Variants in KCNH5 observed in about 807,000 individuals in gnomAD.
KCNH5 encodes the protein voltage-gated delayed rectifier potassium channel KCNH5.
A neutral mutation model predicts 96.1 loss-of-function variants in KCNH5; 46 were observed. That is an observed-to-expected ratio of 0.48 (90% CI 0.38 to 0.61). The LOEUF (loss-of-function observed/expected upper bound fraction) is 0.61, where lower values mean the gene tolerates loss of function less well. KCNH5 is among the 20% of genes least tolerant of loss of function. The pLI is 0.00. For synonymous variants in KCNH5, 439 were observed against 449.8 expected (o/e 0.98, Z 0.30); for missense variants, 907 against 1,225.8 (o/e 0.74, Z 3.88).
At chr14:62,886,000 A>G (rs1050817994) in intron 7 of KCNH5, among the ~76,000 whole-genome samples, 1 of 152,178 alleles carries the variant, frequency 6.6e-6, no homozygotes, top group Admixed American at 6.5e-5. Flanking sequence ...TAATGTAATA[A>G]TTTCTGCTTT....
intron 9 of KCNH5, among the ~76,000 whole-genome samples, chr14:62,782,585 C>T (rs767768386): frequency 3.9e-5 from 6 of 152,116 alleles, no homozygotes; most frequent in Non-Finnish European, 5.9e-5. Context: ...CCAAGGCAGG[C>T]GGATCACGAG....
In KCNH5 at chr14:62,706,418, C is replaced by T. The variant is rs1431677561; in HGVS notation, c.*1090G>A. On this transcript the variant is annotated 3_prime_UTR_variant, in exon 11 of 11. Coordinates refer to ENST00000322893, the MANE Select transcript of KCNH5 (RefSeq NM_139318.5). The stretch of plus-strand genomic sequence containing the variant: ...TTTTACCACATTTCATGTGTTATCA[C>T]TACAAACACTAGGATTCATGTGTCA... 1.3e-5 allele frequency: 2 copies of T among 152,190 alleles called. No individual in the cohort carries two copies. Among genetic ancestry groups the T allele is most frequent in the Non-Finnish European group, 2.9e-5 (2 of 67,992 alleles). 9.4% of individuals were successfully genotyped at this position (152,190 alleles called of 1,614,324 possible).
At chr14:62,884,199 T>C (rs914498318) in intron 7 of KCNH5, among the ~76,000 whole-genome samples, 1 of 152,182 alleles carries the variant, frequency 6.6e-6, no homozygotes, top group African/African-American at 2.4e-5. Context: ...CCACAATGTA[T>C]CTATAATACG....
chr14:62,922,582 T>G (rs1889399863), intron 7 of KCNH5, among the ~76,000 whole-genome samples: 1 of 151,938 alleles, frequency 6.6e-6, no homozygotes. Flanking sequence ...CAACAGCATA[T>G]TAAAAGGATC....
At position 62,729,350 on chromosome 14, in the gene KCNH5, C is replaced by A. The variant is rs557400617; in HGVS notation, c.2020-20895G>T. ...ACATTTTAGAGATGAAGGTGCTATTCATAATTATTCCAGGACTACAGACAT... is the reference window on the plus strand; with the variant it reads ...ACATTTTAGAGATGAAGGTGCTATTAATAATTATTCCAGGACTACAGACAT... On this transcript the variant is annotated intron_variant, in intron 10 of 10. Transcript: ENST00000322893. Among the ~76,000 whole-genome samples, 258 of 152,268 alleles carry A rather than the reference C, an allele frequency of 1.7e-3. 2 individuals carry two copies. The highest frequency in any genetic ancestry group is 6.1e-3 in the African/African-American group (253 of 41,544).
chr14:62,800,149 C>G (rs1422845077), intron 9 of KCNH5, among the ~76,000 whole-genome samples: 1 of 151,370 alleles, frequency 6.6e-6, no homozygotes, highest in Admixed American at 6.6e-5. Context: ...TTTTTCAGAG[C>G]CTATAGAAAA....
rs1890803060 is a variant in KCNH5 at position 62,991,228 on chromosome 14, T to C, written c.434-4041A>G. Among the ~76,000 whole-genome samples the C allele has an allele frequency of 2.0e-5, 3 of 152,054 alleles. No homozygotes were observed. In the South Asian group the frequency reaches 6.2e-4, roughly 31 times the overall value. On this transcript the variant is annotated intron_variant, in intron 4 of 10. Coordinates refer to ENST00000322893, the MANE Select transcript of KCNH5 (RefSeq NM_139318.5). ...ACAGCATCTGCATTATATGTAAATA[T>C]TTAAAATTTAAAGAAGAAAATACAT...
rs1202791307 is a variant in KCNH5 at position 62,707,765 on chromosome 14, G to C, written c.2710C>G (p.Gln904Glu). 1 of 1,614,008 alleles carries C rather than the reference G, an allele frequency of 6.2e-7. No individual in the cohort carries two copies. The highest frequency in any genetic ancestry group is 8.5e-7 in the Non-Finnish European group (1 of 1,180,024). The change falls in exon 11 of 11, where the codon CAG becomes GAG. Residue 904 changes from glutamine to glutamate, a missense_variant. Physicochemically the swap from Gln to Glu is conservative, Grantham distance 29. Coordinates refer to ENST00000322893, the MANE Select transcript of KCNH5 (RefSeq NM_139318.5). Reference protein sequence around the residue: ...AKHPFYPIPEQALQTTLQEVK... With the variant: ...AKHPFYPIPEEALQTTLQEVK... ...TCCTGCAGTGTGGTCTGTAAGGCCT[G>C]CTCGGGGATGGGATAAAAGGGGTGC...
chr14:62,849,784 G>A lies in KCNH5; in HGVS notation c.1438C>T (p.Arg480Ter), dbSNP rs748140384. Reference protein sequence around the residue: ...IFQQMYANTNRYHEMLNNVRD... With the variant: ...IFQQMYANTN ...ACATTATTCAGCATCTCATGGTATC[G>A]GTTGGTGTTGGCATACATTTGCTGG... Residue 480 changes from arginine (R) to a stop codon, truncating the protein, a stop_gained, in exon 8 of 11, where the codon CGA becomes TGA. Transcript: ENST00000322893. LOFTEE classifies it high-confidence loss of function. 5 of 1,613,704 alleles carry A rather than the reference G, an allele frequency of 3.1e-6. No individual in the cohort carries two copies. Among genetic ancestry groups the A allele is most frequent in the South Asian group, 1.1e-5 (1 of 91,076 alleles).
intron 7 of KCNH5, among the ~76,000 whole-genome samples, chr14:62,919,578 C>T (rs1889341739): frequency 6.6e-6 from 1 of 152,016 alleles, no homozygotes; most frequent in Admixed American, 6.6e-5. Context: ...TCAATTTTCT[C>T]TCTTCTGTAA....
At chr14:62,744,170 C>T (rs117113172) in intron 10 of KCNH5, among the ~76,000 whole-genome samples, 3,313 of 152,144 alleles carry the variant, frequency 0.022, 71 homozygotes, top group Middle Eastern at 0.044. Flanking sequence ...TTGAGCTCTA[C>T]GGGATGTATT....
At chr14:63,042,688 T>A (rs1025440203) in intron 1 of KCNH5, among the ~76,000 whole-genome samples, 1 of 152,178 alleles carries the variant, frequency 6.6e-6, no homozygotes, top group Non-Finnish European at 1.5e-5. Context: ...TTAGTCTCAA[T>A]TAAACAATTT....
At chr14:62,925,284 G>A (rs1889453429) in intron 7 of KCNH5, among the ~76,000 whole-genome samples, 1 of 151,878 alleles carries the variant, frequency 6.6e-6, no homozygotes, top group Non-Finnish European at 1.5e-5. Flanking sequence ...ACTAATTAAA[G>A]CACACATTCA....
At chr14:62,725,046 C>T (rs1884894351) in intron 10 of KCNH5, among the ~76,000 whole-genome samples, 1 of 152,154 alleles carries the variant, frequency 6.6e-6, no homozygotes, top group African/African-American at 2.4e-5. Flanking sequence ...AAATAATATT[C>T]TAACACATTA....
intron 9 of KCNH5, among the ~76,000 whole-genome samples, chr14:62,789,693 CT>C (rs1886392095): frequency 6.6e-6 from 1 of 151,814 alleles, no homozygotes; most frequent in African/African-American, 2.4e-5. Context: ...ATTTGAGCAC[CT>C]TTTCATATAC....
intron 10 of KCNH5, among the ~76,000 whole-genome samples, chr14:62,747,306 G>T (rs772572015): frequency 7.2e-5 from 11 of 151,742 alleles, no homozygotes; most frequent in Non-Finnish European, 1.3e-4. Context: ...TTGCACTCCA[G>T]CCTGGGCAAC....
intron 9 of KCNH5, among the ~76,000 whole-genome samples, chr14:62,791,811 G>C (rs1163381010): frequency 6.6e-6 from 1 of 151,582 alleles, no homozygotes; most frequent in Non-Finnish European, 1.5e-5. Context: ...AATGCATAGA[G>C]ATGCAATAAC....
chr14:62,998,742 T>C (rs1369456338), intron 4 of KCNH5, among the ~76,000 whole-genome samples: 1 of 152,204 alleles, frequency 6.6e-6, no homozygotes, highest in Non-Finnish European at 1.5e-5. Context: ...TTTCCAAATA[T>C]TTCAGGATCT....
At chr14:62,940,354 A>G (rs1356933166) in intron 7 of KCNH5, among the ~76,000 whole-genome samples, 1 of 152,190 alleles carries the variant, frequency 6.6e-6, no homozygotes, top group African/African-American at 2.4e-5. Flanking sequence ...CCAACTCTAA[A>G]TCTATACTGT....
Sources: allele counts gnomAD v4.1 joint callset (sites outside exome capture counted in the v4.1 genomes callset), GRCh38; gene constraint gnomAD v4.1.1; transcripts MANE v1.5; gene names NCBI Gene and HGNC (gene_info 2026-07-23, HGNC 2026-07-21).